The following SAMD13 variants were observed in gnomAD, a reference collection of about 807,000 sequenced individuals.
SAMD13 encodes sterile alpha motif domain containing 13.
Under a neutral mutation model 12.4 loss-of-function variants are expected in SAMD13, and 9 were observed. The observed-to-expected ratio is 0.72, with a 90% CI of 0.44 to 1.26. The LOEUF is 1.26. Ranked by LOEUF, SAMD13 falls within the 50% of genes most tolerant of loss-of-function variation. SAMD13 has a pLI of 0.00. For synonymous variants in SAMD13, 46 were observed against 45.4 expected (o/e 1.01, Z -0.05); for missense variants, 84 against 119.6 (o/e 0.70, Z 1.39).
intron 2 of SAMD13, among the ~76,000 whole-genome samples, chr1:84,314,264 C>T (rs1284551897): frequency 2.0e-5 from 3 of 152,036 alleles, no homozygotes; most frequent in African/African-American, 7.2e-5. Context: ...TCTCCATCTC[C>T]TTGGGAAGCA....
At chr1:84,342,754 T>C (rs770966919) in intron 3 of SAMD13, among the ~76,000 whole-genome samples, 4 of 152,124 alleles carry the variant, frequency 2.6e-5, no homozygotes, top group Admixed American at 6.5e-5. Context: ...ATAAAAACCC[T>C]AGAAGAAAAT....
chr1:84,323,500 C>T (rs1678993292), intron 2 of SAMD13, among the ~76,000 whole-genome samples: 1 of 152,072 alleles, frequency 6.6e-6, no homozygotes, highest in African/African-American at 2.4e-5. Context: ...AAAGAGAAGA[C>T]ATTTAGAGTA....
intron 3 of SAMD13, among the ~76,000 whole-genome samples, chr1:84,342,716 T>A (rs561121616): frequency 6.6e-6 from 1 of 152,266 alleles, no homozygotes; most frequent in African/African-American, 2.4e-5. Context: ...CAAGATGGAT[T>A]AAAACCTTAA....
upstream of SAMD13, chr1:84,299,614 T>C: frequency 6.6e-7 from 1 of 1,519,732 alleles, no homozygotes; most frequent in Non-Finnish European, 8.9e-7. Context: ...CAGCAGAGGA[T>C]TGATGGCAAA....
At chr1:84,298,568 GTAAGTGAT>G, upstream of SAMD13, 1 of 1,281,818 alleles carries the variant, frequency 7.8e-7, no homozygotes, top group South Asian at 3.7e-5. Flanking sequence ...ATGCGGGGAG[GTAAGTGAT>G]CTGCCTGTGC....
At chr1:84,336,364 G>C (rs1435622338) in intron 3 of SAMD13, among the ~76,000 whole-genome samples, 1 of 152,182 alleles carries the variant, frequency 6.6e-6, no homozygotes, top group Non-Finnish European at 1.5e-5. Flanking sequence ...GTTTACAAAA[G>C]AAAAGGTTTA....
intron 2 of SAMD13, among the ~76,000 whole-genome samples, chr1:84,305,521 A>G (rs1678550554): frequency 6.6e-6 from 1 of 151,982 alleles, no homozygotes; most frequent in South Asian, 2.1e-4. Context: ...TAGTTTATCA[A>G]TTTTTTTCTT....
intron 3 of SAMD13, among the ~76,000 whole-genome samples, chr1:84,339,396 G>A (rs1679374252): frequency 6.6e-6 from 1 of 151,638 alleles, no homozygotes; most frequent in South Asian, 2.1e-4. Context: ...TGCCCTTCAG[G>A]CTTTGATTGT....
chr1:84,301,191 G>C (rs779902013), upstream of SAMD13, among the ~76,000 whole-genome samples: 5 of 152,164 alleles, frequency 3.3e-5, no homozygotes, highest in Non-Finnish European at 5.9e-5. Context: ...GCTGGGCAGT[G>C]CTTTCCTTAT....
chr1:84,350,441 G>A lies in SAMD13; in HGVS notation c.*667G>A, dbSNP rs1460663356. The stretch of plus-strand genomic sequence containing the variant: ...TCAGCTAGCTTTCAAATGGGGTAAC[G>A]ATATTTTCTGCATAGATTTTCTTTT... On this transcript the variant is annotated 3_prime_UTR_variant, in exon 4 of 4. Coordinates refer to ENST00000394834, the MANE Select transcript of SAMD13 (RefSeq NM_001134663.2). 1 of 151,176 alleles carries A rather than the reference G, an allele frequency of 6.6e-6. No individual in the cohort carries two copies. The highest frequency in any genetic ancestry group is 1.5e-5 in the Non-Finnish European group (1 of 67,540). 9.4% of individuals were successfully genotyped at this position (151,176 alleles called of 1,614,324 possible).
At chr1:84,331,328 T>TG (rs1198255303) in intron 3 of SAMD13, among the ~76,000 whole-genome samples, 1 of 15,174 alleles carries the variant, frequency 6.6e-5, no homozygotes, top group African/African-American at 2.2e-4. Context: ...CCCTCCTTGG[T>TG]AAAAAAAAAA....
chr1:84,301,422 A>T (rs1356998883), upstream of SAMD13, among the ~76,000 whole-genome samples: 1 of 152,248 alleles, frequency 6.6e-6, no homozygotes, highest in Non-Finnish European at 1.5e-5. Flanking sequence ...TCATGCAGCA[A>T]CAATGAAGGG....
chr1:84,337,236 A>G (rs989960508), intron 3 of SAMD13, among the ~76,000 whole-genome samples: 8 of 152,146 alleles, frequency 5.3e-5, no homozygotes, highest in African/African-American at 1.9e-4. Context: ...GTGCCTCAGT[A>G]GGGACTCTAT....
At chr1:84,303,486 A>G (rs995365366) in intron 2 of SAMD13, 199 bp downstream of exon 2, 2 of 463,614 alleles carry the variant, frequency 4.3e-6, no homozygotes, top group Non-Finnish European at 8.0e-6. Flanking sequence ...GAGATGACTC[A>G]GACATCAAAA....
chr1:84,324,452 T>C (rs1679014881), intron 2 of SAMD13, among the ~76,000 whole-genome samples: 1 of 152,238 alleles, frequency 6.6e-6, no homozygotes, highest in Non-Finnish European at 1.5e-5. Flanking sequence ...GCTTCCCCTA[T>C]CCCTTTAACT....
chr1:84,312,861 GCA>G (rs2101794391), intron 2 of SAMD13, among the ~76,000 whole-genome samples: 1 of 152,226 alleles, frequency 6.6e-6, no homozygotes, highest in South Asian at 2.1e-4. Flanking sequence ...ATATTGAAAA[GCA>G]CAGTTATGTA....
At chr1:84,304,231 A>G (rs1394564162) in intron 2 of SAMD13, 2 of 152,234 alleles carry the variant, frequency 1.3e-5, no homozygotes, top group African/African-American at 2.4e-5. Context: ...GGTAATTTAT[A>G]TATCAGTGCC....
chr1:84,345,249 T>A (rs1315859945), intron 3 of SAMD13: 4 of 455,668 alleles, frequency 8.8e-6, no homozygotes, highest in Admixed American at 2.4e-5. Context: ...AAAAGACTGT[T>A]TCATGAGATT....
chr1:84,319,624 GA>G (rs57599932), intron 2 of SAMD13, among the ~76,000 whole-genome samples: 8,900 of 77,810 alleles, frequency 0.11, 397 homozygotes, highest in East Asian at 0.24. Context: ...GACAGGAAAA[GA>G]AAAAAAAAAA....
Sources: allele counts gnomAD v4.1 joint callset (sites outside exome capture counted in the v4.1 genomes callset), GRCh38; gene constraint gnomAD v4.1.1; transcripts MANE v1.5; gene names NCBI Gene and HGNC (gene_info 2026-07-23, HGNC 2026-07-21).